The following HSPA12B variants were observed in gnomAD, a reference collection of about 807,000 sequenced individuals.
HSPA12B encodes heat shock 70 kDa protein 12B.
HSPA12B carries 54 observed loss-of-function variants against 69.3 expected under a neutral mutation model. The ratio of observed to expected loss-of-function variants is 0.78; its 90% confidence interval spans 0.63 to 0.98. The LOEUF (loss-of-function observed/expected upper bound fraction) is 0.98. Ranked by LOEUF, HSPA12B falls within the 50% of genes least tolerant of loss-of-function variation. HSPA12B has a pLI of 0.00. For synonymous variants in HSPA12B, 441 were observed against 436.5 expected (o/e 1.01, Z -0.13); for missense variants, 929 against 999.8 (o/e 0.93, Z 0.96).
At position 3,751,805 on chromosome 20, in the gene HSPA12B, G is replaced by A. The variant is rs1057135036; in HGVS notation, c.1700G>A (p.Arg567His). The stretch of plus-strand genomic sequence containing the variant: ...GAAAAGCTGCTGGTTCGCGACGGCC[G>A]CCGCTGGTGCACCGACGTCTTCGAG... ...PPEKLLVRDG[R>H]RWCTDVFERF... is the part of the protein sequence containing the mutation. The change falls in exon 13 of 13, where the codon CGC (arginine) becomes CAC (histidine). Residue 567 changes from arginine (R) to histidine (H), a missense_variant. Transcript: ENST00000254963. The A allele has an allele frequency of 3.9e-6, 6 of 1,529,238 alleles. No homozygotes were observed. The highest frequency in any genetic ancestry group is 2.8e-5 in the African/African-American group (2 of 71,430). 94.7% of individuals were successfully genotyped at this position (1,529,238 alleles called of 1,614,324 possible).
At position 3,751,952 on chromosome 20, in the gene HSPA12B, C is replaced by A. The variant is rs760676949; in HGVS notation, c.1847C>A (p.Ala616Glu). The A allele has an allele frequency of 6.3e-7, 1 of 1,582,836 alleles. No homozygotes were observed. Among genetic ancestry groups the A allele is most frequent in the African/African-American group, 1.4e-5 (1 of 73,848 alleles). ...INLYCCAAED[A>E]RFITDPGVRK... ...CTGTACTGCTGCGCGGCAGAGGATG[C>A]GCGCTTCATCACCGACCCCGGCGTG... The change falls in exon 13 of 13, where the codon GCG (alanine) becomes GAG (glutamate). Residue 616 changes from alanine (A) to glutamate (E), a missense_variant. Ala to Glu is a moderately radical substitution (Grantham distance 107, BLOSUM62 -1). Around this residue, in one of 3 missense-constraint regions of HSPA12B, gnomAD observed 448 missense variants for 448.1 expected, o/e 1.00. Coordinates refer to ENST00000254963, the MANE Select transcript of HSPA12B (RefSeq NM_052970.5).
In HSPA12B at chr20:3,749,261, A is replaced by C. The variant is rs888210744; in HGVS notation, c.880A>C (p.Ser294Arg). The C allele has an allele frequency of 1.2e-6, 2 of 1,613,544 alleles. No homozygotes were observed. The highest frequency in any genetic ancestry group is 1.7e-6 in the Non-Finnish European group (2 of 1,179,908). ...AREQLRRSRH[S>R]RTFLVESGVG... ...GGAGCAGCTGCGAAGGTCCCGCCACAGCCGCACGTTCCTGGTGGAGTCAGG... is the reference window on the plus strand; with the variant it reads ...GGAGCAGCTGCGAAGGTCCCGCCACCGCCGCACGTTCCTGGTGGAGTCAGG... The change falls in exon 9 of 13, where the codon AGC (serine) becomes CGC (arginine). Residue 294 changes from serine (S) to arginine (R), a missense_variant. Coordinates refer to ENST00000254963, the MANE Select transcript of HSPA12B (RefSeq NM_052970.5). The surrounding 1 kb of genome is among the most constrained non-coding windows in gnomAD (Gnocchi z 5.5).
At position 3,745,835 on chromosome 20, in the gene HSPA12B, AG is replaced by A. The variant is rs1957929547; in HGVS notation, c.559-79del. 1.4e-5 allele frequency: 17 copies of A among 1,249,664 alleles called. No homozygotes were observed. The Admixed American group carries it at 2.2e-4, about 16-fold the overall frequency. The allele number at this position is 1,249,664 out of a possible 1,614,324, so 77.4% of individuals were successfully genotyped here. On this transcript the variant is annotated intron_variant, in intron 6 of 12. Coordinates refer to ENST00000254963, the MANE Select transcript of HSPA12B (RefSeq NM_052970.5). This position sits in a 1 kb window ranked among gnomAD's most constrained non-coding sequence, Gnocchi z 5.6. ...GGGAAGTCCTTCCTGTGATTTGATT[AG>A]TACCTCCAGTTCCGCAGAGGGCTGA...
Position 3,737,293 on chromosome 20 carries a change from C to G in HSPA12B, c.-17-1365C>G, listed in dbSNP as rs2088124227. Among the ~76,000 whole-genome samples, 1 of 152,096 alleles carries G rather than the reference C, an allele frequency of 6.6e-6. No homozygotes were observed. Among genetic ancestry groups the G allele is most frequent in the Admixed American group, 6.6e-5 (1 of 15,262 alleles). ...CTTCATAGACAGGATCGAGCCCCTC[C>G]CATCTTAGAAAATAAATATTCTTCC... On this transcript the variant is annotated intron_variant, in intron 1 of 12. Coordinates refer to ENST00000254963, the MANE Select transcript of HSPA12B (RefSeq NM_052970.5). This position sits in a 1 kb window ranked among gnomAD's most constrained non-coding sequence, Gnocchi z 4.1.
rs370626942 is a variant in HSPA12B at position 3,745,052 on chromosome 20, C to T, written c.417C>T (p.Tyr139=). The part of the protein sequence containing the change: ...LDPEEARDWL[Y]FEKFKMKIHS... ...CCGAAGAGGCGCGGGACTGGCTCTACTTCGAGAAGTTCAAGATGAAGATCC... is the reference window on the plus strand; with the variant it reads ...CCGAAGAGGCGCGGGACTGGCTCTATTTCGAGAAGTTCAAGATGAAGATCC... The change falls in exon 5 of 13, where the codon TAC becomes TAT. Residue 139 remains tyrosine (Y), a synonymous_variant. Coordinates refer to ENST00000254963, the MANE Select transcript of HSPA12B (RefSeq NM_052970.5). This position sits in a 1 kb window ranked among gnomAD's most constrained non-coding sequence, Gnocchi z 5.6. The T allele has an allele frequency of 3.7e-6, 6 of 1,613,892 alleles. No homozygotes were observed. Among genetic ancestry groups the T allele is most frequent in the African/African-American group, 1.3e-5 (1 of 75,036 alleles).
Position 3,749,988 on chromosome 20 carries a change from G to A in HSPA12B, c.1062G>A (p.Val354=), listed in dbSNP as rs1239267704. Reference sequence around the variant, plus strand: ...CCCCAGGGGGCCCTTATGGCGCGGTGGGCGTGGACCTGGCCTTCGAGCAGC... The same window carrying A: ...CCCCAGGGGGCCCTTATGGCGCGGTAGGCGTGGACCTGGCCTTCGAGCAGC... The part of the protein sequence containing the change: ...YKASGGPYGA[V]GVDLAFEQLL... Residue 354 remains valine, a synonymous_variant, in exon 11 of 13, where the codon GTG becomes GTA. Transcript: ENST00000254963. The surrounding 1 kb of genome is among the most constrained non-coding windows in gnomAD (Gnocchi z 5.5). The A allele has an allele frequency of 6.4e-7, 1 of 1,573,978 alleles. No individual in the cohort carries two copies. The highest frequency in any genetic ancestry group is 1.3e-5 in the African/African-American group (1 of 74,186).
At position 3,748,220 on chromosome 20, in the gene HSPA12B, G is replaced by A; in HGVS notation, c.679G>A (p.Gly227Arg). The change falls in exon 8 of 13, where the codon GGA becomes AGA. Residue 227 changes from glycine to arginine, a missense_variant. Around this residue, in one of 3 missense-constraint regions of HSPA12B, gnomAD observed 477 missense variants for 535.2 expected, o/e 0.89. Coordinates refer to ENST00000254963, the MANE Select transcript of HSPA12B (RefSeq NM_052970.5). ...CCTGCCCACCACCCATCCCCAGGCTGGACTAGTGTCCCGAGAGAATGCAGA... is the reference window on the plus strand; with the variant it reads ...CCTGCCCACCACCCATCCCCAGGCTAGACTAGTGTCCCGAGAGAATGCAGA... ...QFMREAAYLA[G>R]LVSRENAEQL... is the part of the protein sequence containing the mutation. 6.4e-7 allele frequency: 1 copy of A among 1,561,536 alleles called. No individual in the cohort carries two copies.
rs894021360 is a variant in HSPA12B, at chr20:3,751,677, G to C, written c.1572G>C (p.Ala524=). 11 of 1,499,632 alleles carry C rather than the reference G, an allele frequency of 7.3e-6. No individual in the cohort carries two copies. The highest frequency in any genetic ancestry group is 9.7e-6 in the Non-Finnish European group (11 of 1,128,418). The allele number at this position is 1,499,632 out of a possible 1,614,324, so 92.9% of individuals were successfully genotyped here. The part of the protein sequence containing the change: ...HDVGLTILKG[A]VLFGQAPGVV... ...TGGGCCTCACCATCCTCAAAGGCGC[G>C]GTGCTGTTCGGCCAGGCGCCGGGCG... is the stretch of plus-strand genomic sequence containing the variant. Residue 524 remains alanine (A), a synonymous_variant, in exon 13 of 13, where the codon GCG becomes GCC. Coordinates refer to ENST00000254963, the MANE Select transcript of HSPA12B (RefSeq NM_052970.5).
intron 3 of HSPA12B, among the ~76,000 whole-genome samples, chr20:3,741,835 A>G (rs1313392997): frequency 6.6e-6 from 1 of 152,202 alleles, no homozygotes; most frequent in Non-Finnish European, 1.5e-5. Context: ...TCTGCCACAG[A>G]ATCAGACAGT....
intron 12 of HSPA12B, chr20:3,751,144 G>T (rs1373022124): frequency 1.4e-6 from 1 of 725,296 alleles, no homozygotes; most frequent in Non-Finnish European, 1.7e-6. Flanking sequence ...ATAAAATGGG[G>T]TGATAGTATT....
intron 4 of HSPA12B, among the ~76,000 whole-genome samples, chr20:3,742,890 T>TTC (rs1206551355): frequency 6.6e-6 from 1 of 151,640 alleles, no homozygotes; most frequent in Non-Finnish European, 1.5e-5. Context: ...TTGTTTTTTT[T>TTC]TGAGACGGAG....
intron 2 of HSPA12B, among the ~76,000 whole-genome samples, chr20:3,739,309 C>T (rs183741968): frequency 1.6e-4 from 24 of 151,986 alleles, no homozygotes; most frequent in African/African-American, 5.1e-4. Context: ...TGTGTCTCTG[C>T]GGGCAGGTCT....
At position 3,744,064 on chromosome 20, in the gene HSPA12B, T is replaced by A. The variant is rs989777479; in HGVS notation, c.267-838T>A. On this transcript the variant is annotated intron_variant, in intron 4 of 12. Coordinates refer to ENST00000254963, the MANE Select transcript of HSPA12B (RefSeq NM_052970.5). This position sits in a 1 kb window ranked among gnomAD's most constrained non-coding sequence, Gnocchi z 4.9. ...TCAAGACCCCAGTCCTCTGAATATG[T>A]CCTAGAGGGTCGGCAGGCAGTAGGT... Among the ~76,000 whole-genome samples, 1 of 152,132 alleles carries A rather than the reference T, an allele frequency of 6.6e-6. No homozygotes were observed. Among genetic ancestry groups the A allele is most frequent in the African/African-American group, 2.4e-5 (1 of 41,404 alleles).
chr20:3,740,860 C>G lies in HSPA12B; in HGVS notation c.89C>G (p.Pro30Arg). Residue 30 changes from proline (P) to arginine (R), a missense_variant, in exon 3 of 13, where the codon CCG (proline) becomes CGG (arginine). This residue lies in a region of HSPA12B where 477 missense variants were observed against 535.2 expected (regional missense o/e 0.89). Transcript: ENST00000254963. This position sits in a 1 kb window ranked among gnomAD's most constrained non-coding sequence, Gnocchi z 4.9. ...RSPVPSPPGSPRTQESCGIAP... is the reference protein window; with the variant it reads ...RSPVPSPPGSRRTQESCGIAP... ...CCAGTGCCTAGCCCACCCGGCTCCC[C>G]GAGGACCCAGGAAAGCTGCGGCATT... 1 of 1,613,928 alleles carries G rather than the reference C, an allele frequency of 6.2e-7. No individual in the cohort carries two copies. Among genetic ancestry groups the G allele is most frequent in the Non-Finnish European group, 8.5e-7 (1 of 1,179,968 alleles).
intron 11 of HSPA12B, among the ~76,000 whole-genome samples, 158 bp downstream of exon 11, chr20:3,750,385 C>T (rs1448069432): frequency 6.6e-6 from 1 of 152,102 alleles, no homozygotes; most frequent in Non-Finnish European, 1.5e-5. Flanking sequence ...CGGGGAGCGG[C>T]GAGTGAGTGC....
intron 12 of HSPA12B, 186 bp downstream of exon 12, chr20:3,751,093 T>C (rs2088412133): frequency 4.2e-6 from 2 of 479,682 alleles, no homozygotes; most frequent in African/African-American, 2.1e-5. Flanking sequence ...TATGTAGTCT[T>C]GCCAAGGCAA....
rs142777132 is a variant in HSPA12B, at chr20:3,737,211, T to C, written c.-17-1447T>C. 2.6e-5 allele frequency among the ~76,000 whole-genome samples: 4 copies of C among 152,326 alleles called. No homozygotes were observed. The East Asian group carries it at 7.7e-4, about 29-fold the overall frequency. On this transcript the variant is annotated intron_variant, in intron 1 of 12. Transcript: ENST00000254963. The surrounding 1 kb of genome is among the most constrained non-coding windows in gnomAD (Gnocchi z 4.1). The stretch of plus-strand genomic sequence containing the variant: ...ATGCTGCTGATCCTCAGCCCACACT[T>C]TGAGTAACAAAGCTGTTGATGGTTT...
At chr20:3,743,790 C>T (rs1290958853) in intron 4 of HSPA12B, among the ~76,000 whole-genome samples, 8 of 152,050 alleles carry the variant, frequency 5.3e-5, no homozygotes, top group Admixed American at 4.6e-4. Flanking sequence ...TCTTTGAAAA[C>T]TTGTGCCGCA....
At chr20:3,733,619 C>G (rs1303767681) in intron 1 of HSPA12B, among the ~76,000 whole-genome samples, 1 of 152,206 alleles carries the variant, frequency 6.6e-6, no homozygotes, top group African/African-American at 2.4e-5. Flanking sequence ...GGGCAGCCAC[C>G]TCACTCAGCC....
Sources: allele counts gnomAD v4.1 joint callset (sites outside exome capture counted in the v4.1 genomes callset), GRCh38; gene constraint gnomAD v4.1.1; regional missense constraint gnomAD v4.1.1; non-coding constraint Gnocchi (gnomAD v3.1); transcripts MANE v1.5; gene names NCBI Gene and HGNC (gene_info 2026-07-23, HGNC 2026-07-21).